EML4: variants seen among roughly 807,000 people sequenced by gnomAD.
EML4 encodes EMAP like 4.
A neutral mutation model predicts 129.0 loss-of-function variants in EML4; 72 were observed. The observed-to-expected ratio is 0.56, with a 90% CI of 0.46 to 0.68. The LOEUF is 0.68. EML4 is among the 30% of genes least tolerant of loss of function. The probability of loss-of-function intolerance (pLI) is 0.00; values close to 1 mark genes in which losing one functional copy is unlikely to be tolerated. For missense variants in EML4, 1,363 were observed against 1,190.6 expected, an observed-to-expected ratio of 1.14 and a Z score of -2.13; for synonymous variants, 532 against 405.0, an observed-to-expected ratio of 1.31 and a Z score of -3.77.
chr2:42,285,857 C>A (rs1837357), intron 9 of EML4: 105,693 of 178,918 alleles, frequency 0.59, 31,919 homozygotes, highest in East Asian at 0.75. Context: ...CCTCGGCCTC[C>A]CAAAGTGCTA....
chr2:42,265,404 C>CA (rs1666001528), intron 6 of EML4, among the ~76,000 whole-genome samples: 1 of 151,968 alleles, frequency 6.6e-6, no homozygotes, highest in African/African-American at 2.4e-5. Flanking sequence ...GGCACCCGGC[C>CA]AATTTTTGTA....
chr2:42,243,365 C>T (rs1445112259), intron 1 of EML4, among the ~76,000 whole-genome samples: 3 of 151,584 alleles, frequency 2.0e-5, no homozygotes, highest in East Asian at 3.9e-4. Context: ...GTGAAAAATA[C>T]TTAAAATATA....
chr2:42,299,077 T>C (rs1668124520), intron 13 of EML4, among the ~76,000 whole-genome samples: 1 of 152,222 alleles, frequency 6.6e-6, no homozygotes, highest in African/African-American at 2.4e-5. Context: ...GTTCAATTTT[T>C]AAGGTATTTT....
intron 11 of EML4, 105 bp from the exon 12 acceptor site, chr2:42,295,020 C>G: frequency 9.6e-7 from 1 of 1,036,544 alleles, no homozygotes; most frequent in Non-Finnish European, 1.3e-6. Flanking sequence ...GAGGCATTTT[C>G]TCAAAATCTT....
At chr2:42,192,928 A>G (rs1364494893) in intron 1 of EML4, among the ~76,000 whole-genome samples, 4 of 152,166 alleles carry the variant, frequency 2.6e-5, no homozygotes, top group African/African-American at 9.7e-5. Flanking sequence ...GTGAAACTCA[A>G]CAGTCATGAA....
At chr2:42,274,964 T>G (rs999567274) in intron 6 of EML4, among the ~76,000 whole-genome samples, 4 of 152,198 alleles carry the variant, frequency 2.6e-5, no homozygotes, top group Non-Finnish European at 5.9e-5. Flanking sequence ...ACTCCCTGAT[T>G]TCCAGCTGTT....
chr2:42,295,618 A>G, intron 13 of EML4, 102 bp downstream of exon 13: 1 of 912,046 alleles, frequency 1.1e-6, no homozygotes, highest in Non-Finnish European at 1.6e-6. Context: ...GTGTAACAAT[A>G]TGAGCAAGTC....
chr2:42,304,086 GCTCA>G (rs970295996), intron 16 of EML4, among the ~76,000 whole-genome samples: 2 of 152,050 alleles, frequency 1.3e-5, no homozygotes, highest in African/African-American at 2.4e-5. Flanking sequence ...AGTAAGTGCT[GCTCA>G]CTAACAGGCT....
chr2:42,256,738 G>A (rs1439280583), intron 3 of EML4, 108 bp downstream of exon 3: 6 of 1,355,854 alleles, frequency 4.4e-6, no homozygotes, highest in Non-Finnish European at 4.1e-6. Flanking sequence ...ATTCAAGTGA[G>A]CATGTCCTTT....
rs756160248 is a variant in EML4 at position 42,329,600 on chromosome 2, A to G, written c.2473-134A>G. 6.0e-6 allele frequency: 4 copies of G among 670,442 alleles called. No individual in the cohort carries two copies. The East Asian group carries it at 8.0e-5, about 13-fold the overall frequency. 41.5% of individuals were successfully genotyped at this position (670,442 alleles called of 1,614,324 possible). ...CGGCTAGCCTTACTCCTGAGATTTG[A>G]TGACTTCTGGCTTTAAATTGGATTG... On this transcript the variant is annotated intron_variant, in intron 22 of 22. Coordinates refer to ENST00000318522, the MANE Select transcript of EML4 (RefSeq NM_019063.5).
intron 13 of EML4, among the ~76,000 whole-genome samples, chr2:42,298,685 T>G (rs185922000): frequency 6.6e-6 from 1 of 152,218 alleles, no homozygotes; most frequent in East Asian, 1.9e-4. Flanking sequence ...TGATGAAGCA[T>G]TTTTTTCTTC....
chr2:42,240,026 C>G (rs1443558803), intron 1 of EML4, among the ~76,000 whole-genome samples: 1 of 152,140 alleles, frequency 6.6e-6, no homozygotes, highest in Non-Finnish European at 1.5e-5. Flanking sequence ...CCATGGGTAA[C>G]TCACCTGATG....
At chr2:42,173,880 A>G (rs954710157) in intron 1 of EML4, among the ~76,000 whole-genome samples, 1 of 152,172 alleles carries the variant, frequency 6.6e-6, no homozygotes, top group Non-Finnish European at 1.5e-5. Flanking sequence ...TACTGTATGT[A>G]GAGATGTTTA....
At position 42,251,594 on chromosome 2, in the gene EML4, A is replaced by G. The variant is rs115926890; in HGVS notation, c.209-4907A>G. ...TTTGATGGAGTACATGTAGTCCTCA[A>G]TCTTCTCAAAGACTGAAGCAAGAGT... On this transcript the variant is annotated intron_variant, in intron 2 of 22. Coordinates refer to ENST00000318522, the MANE Select transcript of EML4 (RefSeq NM_019063.5). Among the ~76,000 whole-genome samples the G allele has an allele frequency of 6.3e-3, 960 of 152,362 alleles. 8 individuals carry two copies. Among genetic ancestry groups the G allele is most frequent in the African/African-American group, 0.022 (899 of 41,592 alleles).
At chr2:42,311,987 G>C (rs78368553) in intron 17 of EML4, among the ~76,000 whole-genome samples, 275 of 152,286 alleles carry the variant, frequency 1.8e-3, no homozygotes, top group Non-Finnish European at 3.4e-3. Flanking sequence ...TAGGATTGCA[G>C]ACATGAGGCA....
At chr2:42,190,988 T>A (rs1488135872) in intron 1 of EML4, among the ~76,000 whole-genome samples, 1 of 152,238 alleles carries the variant, frequency 6.6e-6, no homozygotes, top group East Asian at 1.9e-4. Flanking sequence ...GTAGCCAGTT[T>A]GCAGGCCCCT....
intron 1 of EML4, among the ~76,000 whole-genome samples, chr2:42,185,151 G>C (rs989445717): frequency 2.0e-5 from 3 of 152,114 alleles, no homozygotes; most frequent in African/African-American, 7.2e-5. Flanking sequence ...GAGAGAGAAA[G>C]TAATTTGCTC....
chr2:42,197,567 G>GA (rs1298039836), intron 1 of EML4, among the ~76,000 whole-genome samples: 188 of 138,352 alleles, frequency 1.4e-3, no homozygotes, highest in East Asian at 2.3e-3. Flanking sequence ...ATAGTCTTCA[G>GA]AAAAAAAAAA....
intron 1 of EML4, among the ~76,000 whole-genome samples, chr2:42,182,047 G>T (rs1670974549): frequency 6.6e-6 from 1 of 150,618 alleles, no homozygotes; most frequent in Admixed American, 6.6e-5. Flanking sequence ...ACAGAAACCT[G>T]GCTTCCATTA....
Sources: gnomAD v4.1 joint callset for allele counts (sites outside exome capture counted in the v4.1 genomes callset) on GRCh38, gnomAD v4.1.1 for gene constraint, MANE v1.5 for transcripts, NCBI Gene and HGNC (gene_info 2026-07-23, HGNC 2026-07-21) for gene names.